UGT3A1: variants seen among roughly 807,000 people sequenced by gnomAD.
UGT3A1 encodes UDP-glycosyltransferase 3A1.
Under a neutral mutation model 37.6 loss-of-function variants are expected in UGT3A1, and 40 were observed. That is an observed-to-expected ratio of 1.06 (90% CI 0.83 to 1.38). UGT3A1 has a LOEUF of 1.38. Ranked by LOEUF, UGT3A1 falls within the 40% of genes most tolerant of loss-of-function variation. The pLI, the probability that UGT3A1 is intolerant of heterozygous loss-of-function variation, is 0.00. For missense variants in UGT3A1, 642 were observed against 634.2 expected, an observed-to-expected ratio of 1.01 and a Z score of -0.13; for synonymous variants, 256 against 232.3, an observed-to-expected ratio of 1.10 and a Z score of -0.93.
In UGT3A1 at chr5:35,965,494, C is replaced by T. The variant is rs1286576294; in HGVS notation, c.735G>A (p.Glu245=). The T allele has an allele frequency of 6.2e-7, 1 of 1,614,212 alleles. No homozygotes were observed. Among genetic ancestry groups the T allele is most frequent in the Non-Finnish European group, 8.5e-7 (1 of 1,180,034 alleles). Residue 245 remains glutamate (E), a synonymous_variant, in exon 4 of 7, where the codon GAG becomes GAA. Transcript: ENST00000274278. Reference sequence around the variant, plus strand: ...CAAAATCAGAGTTAACAAACCACAACTCTGCTTTCAGTAGAAGATGAGACA... The same window carrying T: ...CAAAATCAGAGTTAACAAACCACAATTCTGCTTTCAGTAGAAGATGAGACA... ...PVLSHLLLKA[E]LWFVNSDFAF...
intron 2 of UGT3A1, among the ~76,000 whole-genome samples, chr5:35,988,068 T>C (rs926005461): frequency 2.0e-5 from 3 of 152,206 alleles, no homozygotes; most frequent in African/African-American, 7.2e-5. Context: ...GAATAGAAAG[T>C]AACCTGTGGG....
At chr5:35,966,010 G>A (rs924863113) in intron 3 of UGT3A1, 93 bp from the exon 4 acceptor site, 37 of 1,005,316 alleles carry the variant, frequency 3.7e-5, no homozygotes, top group Non-Finnish European at 4.7e-5. Context: ...TTTCAGGTAT[G>A]TTAAGAATAT....
chr5:35,961,153 A>G (rs1182980179), intron 4 of UGT3A1: 1 of 152,078 alleles, frequency 6.6e-6, no homozygotes, highest in African/African-American at 2.4e-5. Context: ...TCTACCCAGT[A>G]TTTCTCTGTC....
chr5:35,999,331 C>G (rs1353867822), intron 1 of UGT3A1, among the ~76,000 whole-genome samples: 1 of 151,920 alleles, frequency 6.6e-6, no homozygotes, highest in Non-Finnish European at 1.5e-5. Context: ...CCAGGTCACT[C>G]AAAACTAGAC....
intron 1 of UGT3A1, 121 bp from the exon 2 acceptor site, chr5:35,988,672 C>G: frequency 1.4e-6 from 1 of 724,908 alleles, no homozygotes; most frequent in Non-Finnish European, 2.3e-6. Context: ...GAAATGTGAA[C>G]AGTGAGAAGA....
chr5:35,989,527 T>C (rs1464625061), intron 1 of UGT3A1, among the ~76,000 whole-genome samples: 1 of 152,180 alleles, frequency 6.6e-6, no homozygotes, highest in African/African-American at 2.4e-5. Flanking sequence ...ACTTGAATAG[T>C]CTAAAGCAAC....
At chr5:35,991,760 C>T (rs1740959153), upstream of UGT3A1, 6 of 480,412 alleles carry the variant, frequency 1.2e-5, no homozygotes, top group Non-Finnish European at 1.6e-5. Flanking sequence ...GTCCCAAGCT[C>T]AAGATGTCCC....
Position 35,965,855 on chromosome 5 carries a change from A to G in UGT3A1, c.374T>C (p.Leu125Pro). 6.2e-7 allele frequency: 1 copy of G among 1,609,756 alleles called. No individual in the cohort carries two copies. The highest frequency in any genetic ancestry group is 1.3e-5 in the African/African-American group (1 of 74,858). The change falls in exon 4 of 7, where the codon CTA becomes CCA. Residue 125 changes from leucine (L) to proline (P), a missense_variant. By Grantham distance (98) the Leu-to-Pro change is moderately conservative. Coordinates refer to ENST00000274278, the MANE Select transcript of UGT3A1 (RefSeq NM_152404.4). ...EIFGTQCSYL[L>P]SRKDIMDSLK... The stretch of plus-strand genomic sequence containing the variant: ...GGAATCCATTATATCCTTTCTGCTT[A>G]GCAAATAACTACATTGAGTCCCAAA...
chr5:35,958,611 T>G (rs73748767), intron 4 of UGT3A1, among the ~76,000 whole-genome samples: 98 of 152,354 alleles, frequency 6.4e-4, no homozygotes, highest in African/African-American at 2.2e-3. Flanking sequence ...AACTGGAGAC[T>G]GACTCAAATG....
rs773645359 is a variant in UGT3A1 at position 35,955,818 on chromosome 5, G to A, written c.1122C>T (p.Ser374=). 2.7e-5 allele frequency: 43 copies of A among 1,614,102 alleles called. No individual in the cohort carries two copies. The Middle Eastern group carries it at 6.6e-4, about 25-fold the overall frequency. Residue 374 remains serine (S), a synonymous_variant, in exon 6 of 7, where the codon AGC becomes AGT. Coordinates refer to ENST00000274278, the MANE Select transcript of UGT3A1 (RefSeq NM_152404.4). ...RLFVTHGGQN[S]VMEAIRHGVP... ...CACCATGACGGATGGCCTCCATTAC[G>A]CTGTTCTGCCCACCATGAGTGACAA...
chr5:35,985,387 C>T (rs908554090), intron 2 of UGT3A1, among the ~76,000 whole-genome samples: 3 of 151,984 alleles, frequency 2.0e-5, no homozygotes, highest in African/African-American at 4.8e-5. Context: ...CATAAAAGAT[C>T]CTGAGTAACC....
intron 2 of UGT3A1, 94 bp downstream of exon 2, chr5:35,988,356 C>G: frequency 1.2e-6 from 1 of 849,364 alleles, no homozygotes; most frequent in Non-Finnish European, 1.8e-6. Flanking sequence ...AGACTAGATT[C>G]AAAGAAGTTT....
intron 5 of UGT3A1, among the ~76,000 whole-genome samples, chr5:35,956,393 C>T (rs927913885): frequency 6.6e-6 from 1 of 152,268 alleles, no homozygotes; most frequent in Non-Finnish European, 1.5e-5. Context: ...AATGTGGATT[C>T]GAATCTACTT....
chr5:35,989,826 GAACT>G (rs1202718982), intron 1 of UGT3A1, among the ~76,000 whole-genome samples: 6 of 152,290 alleles, frequency 3.9e-5, no homozygotes, highest in Non-Finnish European at 7.4e-5. Flanking sequence ...GACTTCAAAT[GAACT>G]AACACAGTTT....
At chr5:35,974,375 G>A (rs1740172515) in intron 2 of UGT3A1, among the ~76,000 whole-genome samples, 1 of 152,174 alleles carries the variant, frequency 6.6e-6, no homozygotes, top group African/African-American at 2.4e-5. Flanking sequence ...TCTCTGAAGT[G>A]TGGAGTGTAA....
rs1370807688 is a variant in UGT3A1, at chr5:35,955,678, G to A, written c.1262C>T (p.Thr421Ile). The change falls in exon 6 of 7, where the codon ACA becomes ATA. Residue 421 changes from threonine to isoleucine, a missense_variant. By Grantham distance (89) the Thr-to-Ile change is moderately conservative. Coordinates refer to ENST00000274278, the MANE Select transcript of UGT3A1 (RefSeq NM_152404.4). The stretch of plus-strand genomic sequence containing the variant: ...TTCTATGACTTGTTTCATTGTAAGT[G>A]TCAGTGTGTCGGCTGTGACCTGATT... Reference protein sequence around the residue: ...RLNQVTADTLTLTMKQVIEDK... With the variant: ...RLNQVTADTLILTMKQVIEDK... 8 of 1,614,090 alleles carry A rather than the reference G, an allele frequency of 5.0e-6. No individual in the cohort carries two copies. The African/African-American group carries it at 6.7e-5, about 13-fold the overall frequency.
At chr5:35,997,277 T>A (rs1741119360) in exon 2 of UGT3A1, 2 of 152,230 alleles carry the variant, frequency 1.3e-5, no homozygotes, top group Non-Finnish European at 2.9e-5. Flanking sequence ...CTGCAGTGCC[T>A]TCTTTAGTAT....
chr5:35,960,514 G>C (rs929565541), intron 4 of UGT3A1, among the ~76,000 whole-genome samples: 1 of 152,204 alleles, frequency 6.6e-6, no homozygotes, highest in African/African-American at 2.4e-5. Flanking sequence ...TACAGAAGGG[G>C]GAGCATGCAG....
chr5:35,961,654 A>ATTAATG (rs1235856769), intron 4 of UGT3A1: 1 of 152,232 alleles, frequency 6.6e-6, no homozygotes. Flanking sequence ...CATGGTGACC[A>ATTAATG]TTAATGCTTC....
Sources: allele counts gnomAD v4.1 joint callset (sites outside exome capture counted in the v4.1 genomes callset), GRCh38; gene constraint gnomAD v4.1.1; transcripts MANE v1.5; gene names NCBI Gene and HGNC (gene_info 2026-07-23, HGNC 2026-07-21).